The following EEPD1 variants were observed in gnomAD, a reference collection of about 807,000 sequenced individuals.
EEPD1 encodes the protein endonuclease/exonuclease/phosphatase family domain-containing protein 1.
In EEPD1, 17 loss-of-function variants were observed where a neutral mutation model predicts 46.3. The observed-to-expected ratio is 0.37, with a 90% confidence interval of 0.25 to 0.55. EEPD1 has a LOEUF of 0.55. EEPD1 is among the 20% of genes least tolerant of loss of function. EEPD1 has a pLI of 0.83. For missense variants in EEPD1, 673 were observed against 745.6 expected, an observed-to-expected ratio of 0.90 and a Z score of 1.13; for synonymous variants, 313 against 315.6, an observed-to-expected ratio of 0.99 and a Z score of 0.09.
chr7:36,200,768 G>A lies in EEPD1; in HGVS notation c.879-38217G>A, dbSNP rs141457648. ...TTGCCGGCTCCACGTTAAAAAACCC[G>A]TCACCAAGTATCTCATCTCCTGTCC... On this transcript the variant is annotated intron_variant, in intron 2 of 7. Coordinates refer to ENST00000242108, the MANE Select transcript of EEPD1 (RefSeq NM_030636.3). Among the ~76,000 whole-genome samples, 728 of 152,236 alleles carry A rather than the reference G, an allele frequency of 4.8e-3. 1 individual carries two copies. The highest frequency in any genetic ancestry group is 0.013 in the African/African-American group (548 of 41,538).
chr7:36,212,041 GA>G (rs1188709459), intron 2 of EEPD1, among the ~76,000 whole-genome samples: 2 of 151,952 alleles, frequency 1.3e-5, no homozygotes, highest in Non-Finnish European at 2.9e-5. Context: ...CTGTAATATA[GA>G]AATTACTTAC....
intron 4 of EEPD1, among the ~76,000 whole-genome samples, 184 bp from the exon 5 acceptor site, chr7:36,284,502 A>C (rs1001980069): frequency 6.6e-6 from 1 of 152,196 alleles, no homozygotes; most frequent in Non-Finnish European, 1.5e-5. Flanking sequence ...CAATATGTGA[A>C]ATTATTTGGG....
chr7:36,192,244 T>C (rs1437552792), intron 2 of EEPD1, among the ~76,000 whole-genome samples: 1 of 152,228 alleles, frequency 6.6e-6, no homozygotes, highest in South Asian at 2.1e-4. Flanking sequence ...TAATCTGTAT[T>C]GTGTAAAAAC....
chr7:36,172,903 G>A (rs1273797239), intron 2 of EEPD1, among the ~76,000 whole-genome samples: 1 of 151,886 alleles, frequency 6.6e-6, no homozygotes, highest in Non-Finnish European at 1.5e-5. Flanking sequence ...CTGGGGGGTG[G>A]GGAGGGCAGG....
chr7:36,161,844 T>C (rs925954108), intron 2 of EEPD1, among the ~76,000 whole-genome samples: 2 of 149,712 alleles, frequency 1.3e-5, no homozygotes, highest in African/African-American at 4.9e-5. Context: ...TGGTGAACTG[T>C]GATCATGCCA....
chr7:36,155,059 G>C lies in EEPD1; in HGVS notation c.735G>C (p.Arg245=). The change falls in exon 2 of 8, where the codon CGG becomes CGC. Residue 245 remains arginine, a synonymous_variant. Transcript: ENST00000242108. ...GGCCCACCCAGATTATCTCCACTCG[G>C]CCGTCCGTGGAGGCCTTTGGAGGCA... is the stretch of plus-strand genomic sequence containing the variant. ...PGGPTQIIST[R]PSVEAFGGTR... 1 of 1,596,278 alleles carries C rather than the reference G, an allele frequency of 6.3e-7. No individual in the cohort carries two copies. The highest frequency in any genetic ancestry group is 1.1e-5 in the South Asian group (1 of 88,340).
rs1456148227 is a variant in EEPD1 at position 36,281,136 on chromosome 7, C to G, written c.952C>G (p.Pro318Ala). The change falls in exon 4 of 8, where the codon CCG becomes GCG. Residue 318 changes from proline (P) to alanine (A), a missense_variant. Transcript: ENST00000242108. ...LEKFCTELNQ[P>A]TLPNIRKWKG... Reference sequence around the variant, plus strand: ...GCAGTTCTGCACGGAGCTAAACCAGCCGACCCTGCCCAACATCCGCAAGTG... The same window carrying G: ...GCAGTTCTGCACGGAGCTAAACCAGGCGACCCTGCCCAACATCCGCAAGTG... 1.2e-6 allele frequency: 2 copies of G among 1,614,026 alleles called. No individual in the cohort carries two copies. The highest frequency in any genetic ancestry group is 1.7e-6 in the Non-Finnish European group (2 of 1,180,044).
intron 3 of EEPD1, among the ~76,000 whole-genome samples, chr7:36,258,832 G>A (rs747999525): frequency 6.6e-6 from 1 of 151,462 alleles, no homozygotes; most frequent in Non-Finnish European, 1.5e-5. Flanking sequence ...GGGAGTGAAC[G>A]GTGAACGGTG....
chr7:36,259,810 C>T (rs1010959924), intron 3 of EEPD1, among the ~76,000 whole-genome samples: 13 of 152,246 alleles, frequency 8.5e-5, no homozygotes, highest in South Asian at 2.1e-4. Context: ...GCCACCATGC[C>T]GGGCCTATTA....
At chr7:36,265,568 A>C (rs896909819) in intron 3 of EEPD1, among the ~76,000 whole-genome samples, 4 of 152,222 alleles carry the variant, frequency 2.6e-5, no homozygotes, top group African/African-American at 7.2e-5. Flanking sequence ...AATAATTATT[A>C]ATCCTTTCCC....
chr7:36,229,640 G>A (rs532047341), intron 2 of EEPD1, among the ~76,000 whole-genome samples: 2 of 152,172 alleles, frequency 1.3e-5, no homozygotes, highest in South Asian at 2.1e-4. Context: ...CCCTGCAGCC[G>A]CTCTCTCCAA....
Position 36,299,315 on chromosome 7 carries a change from G to A in EEPD1, c.*109G>A. 7.7e-7 allele frequency: 1 copy of A among 1,305,820 alleles called. No homozygotes were observed. Among genetic ancestry groups the A allele is most frequent in the Non-Finnish European group, 1.0e-6 (1 of 956,894 alleles). The allele number at this position is 1,305,820 out of a possible 1,614,324, so 80.9% of individuals were successfully genotyped here. ...AGCTGCCTTTTAATTTTTATTCTCAGAGCATCAGCACTTGAGGCCTTGCCC... is the reference window on the plus strand; with the variant it reads ...AGCTGCCTTTTAATTTTTATTCTCAAAGCATCAGCACTTGAGGCCTTGCCC... On this transcript the variant is annotated 3_prime_UTR_variant, in exon 8 of 8. Transcript: ENST00000242108.
In EEPD1 at chr7:36,299,239, CAGG is replaced by C. The variant is rs755649474; in HGVS notation, c.*37_*39del. 11 of 1,600,562 alleles carry C rather than the reference CAGG, an allele frequency of 6.9e-6. No individual in the cohort carries two copies. The highest frequency in any genetic ancestry group is 1.7e-4 in the Middle Eastern group (1 of 6,048). ...AAATCCATGTGTCCACCCTGGGACC[CAGG>C]AGGGCACAGCCAAGGAATGAGCCCT... On this transcript the variant is annotated 3_prime_UTR_variant, in exon 8 of 8. Transcript: ENST00000242108.
Position 36,163,087 on chromosome 7 carries a change from C to T in EEPD1, c.878+7885C>T, listed in dbSNP as rs529473467. On this transcript the variant is annotated intron_variant, in intron 2 of 7. Coordinates refer to ENST00000242108, the MANE Select transcript of EEPD1 (RefSeq NM_030636.3). ...TCTCTAGAGTATATTTTCTGTTAAG[C>T]AAATTCAGTCTAATTTTTTTTTTAG... Among the ~76,000 whole-genome samples the T allele has an allele frequency of 9.3e-5, 10 of 107,300 alleles. No individual in the cohort carries two copies. In the South Asian group the frequency reaches 2.6e-3, roughly 28 times the overall value. The allele number at this position is 107,300 out of a possible 152,430, so 70.4% of individuals were successfully genotyped here.
At chr7:36,291,613 ACTC>A (rs1366622090) in intron 6 of EEPD1, among the ~76,000 whole-genome samples, 2 of 151,344 alleles carry the variant, frequency 1.3e-5, no homozygotes, top group Non-Finnish European at 2.9e-5. Flanking sequence ...CATTGTCCTC[ACTC>A]CTCCTAGAGG....
chr7:36,155,105 C>G lies in EEPD1; in HGVS notation c.781C>G (p.Leu261Val). 1 of 1,568,122 alleles carries G rather than the reference C, an allele frequency of 6.4e-7. No homozygotes were observed. Among genetic ancestry groups the G allele is most frequent in the Non-Finnish European group, 8.6e-7 (1 of 1,157,324 alleles). The change falls in exon 2 of 8, where the codon CTG becomes GTG. Residue 261 changes from leucine to valine, a missense_variant. Coordinates refer to ENST00000242108, the MANE Select transcript of EEPD1 (RefSeq NM_030636.3). The part of the protein sequence containing the change: ...FGGTRDGRPV[L>V]RLATWNLQGC... Reference sequence around the variant, plus strand: ...AGGCACAAGGGATGGGAGGCCTGTGCTGAGGCTGGCCACCTGGAACTTGCA... The same window carrying G: ...AGGCACAAGGGATGGGAGGCCTGTGGTGAGGCTGGCCACCTGGAACTTGCA...
At chr7:36,198,855 C>G (rs893782633) in intron 2 of EEPD1, among the ~76,000 whole-genome samples, 16 of 152,222 alleles carry the variant, frequency 1.1e-4, no homozygotes, top group African/African-American at 3.4e-4. Flanking sequence ...CTGCTACCAC[C>G]TGTCTTGGGG....
At position 36,225,311 on chromosome 7, in the gene EEPD1, C is replaced by T. The variant is rs933779681; in HGVS notation, c.879-13674C>T. On this transcript the variant is annotated intron_variant, in intron 2 of 7. Coordinates refer to ENST00000242108, the MANE Select transcript of EEPD1 (RefSeq NM_030636.3). The surrounding 1 kb of genome is among the most constrained non-coding windows in gnomAD (Gnocchi z 4.2). ...TCTGGAAAATATGAGAAAAGAAGAA[C>T]AAGAGACAGGGTTATACATGTGGAA... Among the ~76,000 whole-genome samples the T allele has an allele frequency of 6.6e-6, 1 of 151,862 alleles. No individual in the cohort carries two copies. The highest frequency in any genetic ancestry group is 2.4e-5 in the African/African-American group (1 of 41,164).
At chr7:36,290,485 G>C (rs904554626) in intron 6 of EEPD1, among the ~76,000 whole-genome samples, 4 of 152,098 alleles carry the variant, frequency 2.6e-5, no homozygotes, top group Non-Finnish European at 5.9e-5. Context: ...GTCAGCAGAG[G>C]GGTTCAGCTA....
Sources: allele counts gnomAD v4.1 joint callset (sites outside exome capture counted in the v4.1 genomes callset), GRCh38; gene constraint gnomAD v4.1.1; non-coding constraint Gnocchi (gnomAD v3.1); transcripts MANE v1.5; gene names NCBI Gene and HGNC (gene_info 2026-07-23, HGNC 2026-07-21).